The following NEB variants were observed in gnomAD, a reference collection of about 807,000 sequenced individuals.
NEB encodes the protein nemaline myopathy type 2.
NEB carries 512 observed loss-of-function variants against 952.2 expected under a neutral mutation model. That is an observed-to-expected ratio of 0.54 (90% confidence interval 0.50 to 0.58). NEB has a LOEUF of 0.58. Ranked by LOEUF, NEB falls within the 20% of genes least tolerant of loss-of-function variation. NEB has a pLI of 0.00. For synonymous variants in NEB, 2,900 were observed against 3,149.8 expected (o/e 0.92, Z 2.66); for missense variants, 8,428 against 9,231.1 (o/e 0.91, Z 3.56).
intron 48 of NEB, among the ~76,000 whole-genome samples, chr2:151,657,745 T>A (rs1480776441): frequency 6.6e-6 from 1 of 152,160 alleles, no homozygotes; most frequent in Non-Finnish European, 1.5e-5. Context: ...AGATTCAAAG[T>A]AAGTTTATCT....
At chr2:151,634,082 T>A in intron 64 of NEB, 117 bp from the exon 65 acceptor site, 1 of 1,170,490 alleles carries the variant, frequency 8.5e-7, no homozygotes, top group Non-Finnish European at 1.2e-6. Flanking sequence ...AAGTACTAAC[T>A]CAAGCCAGTA....
rs587780398 is a variant in NEB, at chr2:151,727,741, T to C, written c.244A>G (p.Met82Val). 5.0e-6 allele frequency: 8 copies of C among 1,613,682 alleles called. No individual in the cohort carries two copies. Among genetic ancestry groups the C allele is most frequent in the Non-Finnish European group, 6.8e-6 (8 of 1,179,690 alleles). ...TGACTGTGTGCAATGTAGGGGGTCA[T>C]GAACTTTGAAGGATCCACTTTCTTC... ...IRKKVDPSKF[M>V]TPYIAHSQKM... Residue 82 changes from methionine (M) to valine (V), a missense_variant, in exon 5 of 182, where the codon ATG becomes GTG. Transcript: ENST00000397345.
In NEB at chr2:151,570,163, C is replaced by A; in HGVS notation, c.17348G>T (p.Arg5783Leu). 1 of 1,613,316 alleles carries A rather than the reference C, an allele frequency of 6.2e-7. No homozygotes were observed. The highest frequency in any genetic ancestry group is 8.5e-7 in the Non-Finnish European group (1 of 1,179,614). ...SQALVSDMDY[R>L]NYLHQWTCMP... Reference sequence around the variant, plus strand: ...GCAGGTCCACTGGTGCAGGTAATTGCGGTAATCCATGTCACTGACCAGAGC... The same window carrying A: ...GCAGGTCCACTGGTGCAGGTAATTGAGGTAATCCATGTCACTGACCAGAGC... Residue 5783 changes from arginine to leucine, a missense_variant, in exon 109 of 182, where the codon CGC becomes CTC. Transcript: ENST00000397345.
intron 34 of NEB, among the ~76,000 whole-genome samples, chr2:151,677,310 G>A (rs1437845268): frequency 6.6e-6 from 1 of 152,060 alleles, no homozygotes; most frequent in African/African-American, 2.4e-5. Flanking sequence ...TTTTCACCAT[G>A]TCAAGTTTAT....
rs148950085 is a variant in NEB at position 151,533,439 on chromosome 2, T to C, written c.21417+3A>G. The stretch of plus-strand genomic sequence containing the variant: ...TCCTTCTTCACATCCCATCAGACAT[T>C]ACCTGGCTCCACATATGCGAATTGT... On this transcript the variant is annotated splice_donor_region_variant and intron_variant, in intron 143 of 181. Coordinates refer to ENST00000397345, the MANE Select transcript of NEB (RefSeq NM_001164508.2). The C allele has an allele frequency of 6.9e-5, 107 of 1,542,174 alleles. 1 individual carries two copies. In the East Asian group the frequency reaches 1.9e-3, roughly 27 times the overall value.
chr2:151,509,689 G>A (rs762833579), intron 161 of NEB, among the ~76,000 whole-genome samples: 11 of 152,096 alleles, frequency 7.2e-5, no homozygotes, highest in East Asian at 1.9e-4. Flanking sequence ...GTCCAGTGAC[G>A]TGATCTTGGC....
intron 27 of NEB, 70 bp downstream of exon 27, chr2:151,687,349 C>A: frequency 7.5e-7 from 1 of 1,328,424 alleles, no homozygotes. Flanking sequence ...TTCTTTTCCA[C>A]ACTACTACCC....
At position 151,653,792 on chromosome 2, in the gene NEB, C is replaced by G. The variant is rs567096026; in HGVS notation, c.6915+200G>C. ...TAATGGATCTTAGAGGTCGTCTGGC[C>G]CGACCTCTATTCAGGAAGCCCTTTT... On this transcript the variant is annotated intron_variant, in intron 52 of 181. Coordinates refer to ENST00000397345, the MANE Select transcript of NEB (RefSeq NM_001164508.2). Among the ~76,000 whole-genome samples, 21 of 152,038 alleles carry G rather than the reference C, an allele frequency of 1.4e-4. 1 individual carries two copies. In the South Asian group the frequency reaches 2.9e-3, roughly 21 times the overall value.
chr2:151,614,861 G>A (rs2098138643), intron 76 of NEB, among the ~76,000 whole-genome samples: 1 of 152,080 alleles, frequency 6.6e-6, no homozygotes, highest in Admixed American at 6.6e-5. Context: ...ACACTGCTCA[G>A]TTTACATTTG....
intron 12 of NEB, 128 bp downstream of exon 12, chr2:151,709,528 G>T: frequency 1.6e-6 from 1 of 636,936 alleles, no homozygotes; most frequent in Non-Finnish European, 2.7e-6. Context: ...ACATCCACTG[G>T]TCTCAGCCCT....
rs751280827 is a variant in NEB, at chr2:151,496,364, A to G, written c.24398T>C (p.Leu8133Ser). The change falls in exon 173 of 182, where the codon TTA becomes TCA. Residue 8133 changes from leucine (L) to serine (S), a missense_variant. Physicochemically the swap from Leu to Ser is moderately radical, Grantham distance 145. Coordinates refer to ENST00000397345, the MANE Select transcript of NEB (RefSeq NM_001164508.2). ...TCCCTTGCCCATGTTTTCTTTGTAT[A>G]ACACCTGTGCGATGAGAAAGCATCC... is the stretch of plus-strand genomic sequence containing the variant. Reference protein sequence around the residue: ...KHNQENISSVLYKENMGKGTP... With the variant: ...KHNQENISSVSYKENMGKGTP... 2.5e-6 allele frequency: 4 copies of G among 1,607,850 alleles called. No individual in the cohort carries two copies. Among genetic ancestry groups the G allele is most frequent in the Non-Finnish European group, 3.4e-6 (4 of 1,176,370 alleles).
In NEB at chr2:151,612,259, T is replaced by C; in HGVS notation, c.11732A>G (p.Gln3911Arg). Reference sequence around the variant, plus strand: ...GTCGGTAATGCATGTGAATTTGAGCTGGTCTGCAGGCTGGCGATACTTCCT... The same window carrying C: ...GTCGGTAATGCATGTGAATTTGAGCCGGTCTGCAGGCTGGCGATACTTCCT... The part of the protein sequence containing the change: ...SDRKYRQPAD[Q>R]LKFTCITDTP... The change falls in exon 78 of 182, where the codon CAG becomes CGG. Residue 3911 changes from glutamine to arginine, a missense_variant. By Grantham distance (43) the Gln-to-Arg change is conservative (BLOSUM62 1). Transcript: ENST00000397345. The C allele has an allele frequency of 6.2e-7, 1 of 1,613,908 alleles. No individual in the cohort carries two copies. Among genetic ancestry groups the C allele is most frequent in the Middle Eastern group, 1.7e-4 (1 of 6,060 alleles).
intron 146 of NEB, 119 bp from the exon 147 acceptor site, chr2:151,527,704 A>G (rs2087223821): frequency 1.4e-6 from 1 of 698,378 alleles, no homozygotes; most frequent in Non-Finnish European, 2.4e-6. Context: ...TCCTAATGCA[A>G]GAGGAAGCCC....
At chr2:151,639,128 A>T (rs1187403628) in intron 63 of NEB, among the ~76,000 whole-genome samples, 152 bp downstream of exon 63, 1 of 152,230 alleles carries the variant, frequency 6.6e-6, no homozygotes, top group Non-Finnish European at 1.5e-5. Context: ...AAAGTTTGAC[A>T]TTTATGATGG....
rs142373645 is a variant in NEB at position 151,534,253 on chromosome 2, G to A, written c.21313-707C>T. ...TCGCCTGCGGTCTTAGCCAGCAGAT[G>A]TCTAGGCTCATCGACTACCAGGTGG... is the stretch of plus-strand genomic sequence containing the variant. On this transcript the variant is annotated intron_variant, in intron 142 of 181. Coordinates refer to ENST00000397345, the MANE Select transcript of NEB (RefSeq NM_001164508.2). 25 of 1,613,730 alleles carry A rather than the reference G, an allele frequency of 1.5e-5. No homozygotes were observed. In the East Asian group the frequency reaches 5.6e-4, roughly 36 times the overall value.
At chr2:151,497,393 T>C in intron 171 of NEB, 1 of 978,638 alleles carries the variant, frequency 1.0e-6, no homozygotes, top group South Asian at 4.7e-5. Flanking sequence ...CTCATTATTT[T>C]AAAAAAAAGA....
chr2:151,636,566 G>A (rs2098766742), intron 63 of NEB, among the ~76,000 whole-genome samples: 1 of 152,098 alleles, frequency 6.6e-6, no homozygotes, highest in Non-Finnish European at 1.5e-5. Context: ...GATCACCTGA[G>A]GTCAGGAGTT....
At chr2:151,706,499 C>T (rs759976514) in intron 13 of NEB, among the ~76,000 whole-genome samples, 7 of 152,156 alleles carry the variant, frequency 4.6e-5, no homozygotes, top group Non-Finnish European at 1.0e-4. Context: ...CTGTTGTTGG[C>T]AAATGATGGT....
At chr2:151,552,831 G>A in intron 127 of NEB, 55 bp from the exon 128 acceptor site, 1 of 1,321,582 alleles carries the variant, frequency 7.6e-7, no homozygotes, top group Middle Eastern at 1.8e-4. Context: ...GCTTGAAACT[G>A]CTGGTTTTCA....
Sources: gnomAD v4.1 joint callset for allele counts (sites outside exome capture counted in the v4.1 genomes callset) on GRCh38, gnomAD v4.1.1 for gene constraint, MANE v1.5 for transcripts, NCBI Gene and HGNC (gene_info 2026-07-23, HGNC 2026-07-21) for gene names.